NRXN2: variants seen among roughly 807,000 people sequenced by gnomAD.
NRXN2 encodes the protein neurexin-2-beta.
Under a neutral mutation model 128.8 loss-of-function variants are expected in NRXN2, and 29 were observed. That is an observed-to-expected ratio of 0.23 (90% CI 0.17 to 0.31). The LOEUF (loss-of-function observed/expected upper bound fraction) is 0.31, where lower values mean the gene tolerates loss of function less well. Ranked by LOEUF, NRXN2 falls within the 10% of genes least tolerant of loss-of-function variation. The pLI, the probability that NRXN2 is intolerant of heterozygous loss-of-function variation, is 1.00. For synonymous variants in NRXN2, 1,098 were observed against 1,075.2 expected, an observed-to-expected ratio of 1.02 and a Z score of -0.41; for missense variants, 1,881 against 2,452.6, an observed-to-expected ratio of 0.77 and a Z score of 4.92.
intron 5 of NRXN2, among the ~76,000 whole-genome samples, chr11:64,686,787 C>CTG (rs1565410699): frequency 6.6e-6 from 1 of 152,166 alleles, no homozygotes; most frequent in Non-Finnish European, 1.5e-5. Flanking sequence ...GTGTGCATGT[C>CTG]TGTGTGTGTG....
intron 2 of NRXN2, among the ~76,000 whole-genome samples, chr11:64,699,864 T>C (rs1293779260): frequency 6.6e-6 from 1 of 152,200 alleles, no homozygotes; most frequent in Non-Finnish European, 1.5e-5. Context: ...GTCAGCACAA[T>C]TGTCTCACCA....
Position 64,648,942 on chromosome 11 carries a change from TC to T in NRXN2, c.3110-36del. 6.2e-7 allele frequency: 1 copy of T among 1,610,754 alleles called. No homozygotes were observed. Among genetic ancestry groups the T allele is most frequent in the Non-Finnish European group, 8.5e-7 (1 of 1,177,164 alleles). On this transcript the variant is annotated intron_variant, in intron 15 of 22. Coordinates refer to ENST00000265459, the MANE Select transcript of NRXN2 (RefSeq NM_015080.4). The surrounding 1 kb of genome is among the most constrained non-coding windows in gnomAD (Gnocchi z 4.1). ...GAGTGGGTCAACCAAGGCATCCAGG[TC>T]CCCATTCCCATCCCAAGACAATGGC... is the stretch of plus-strand genomic sequence containing the variant.
intron 7 of NRXN2, among the ~76,000 whole-genome samples, chr11:64,672,284 G>A (rs2050737597): frequency 6.6e-6 from 1 of 152,226 alleles, no homozygotes; most frequent in Non-Finnish European, 1.5e-5. Flanking sequence ...GTGGCAGGCT[G>A]TGCAGGATAT....
At chr11:64,684,935 G>A (rs1444700681) in intron 6 of NRXN2, among the ~76,000 whole-genome samples, 1 of 152,196 alleles carries the variant, frequency 6.6e-6, no homozygotes, top group Non-Finnish European at 1.5e-5. Flanking sequence ...CCAAGGGGAG[G>A]CAGAAAGCAA....
chr11:64,609,570 G>A (rs2040296890), intron 22 of NRXN2, among the ~76,000 whole-genome samples: 1 of 152,142 alleles, frequency 6.6e-6, no homozygotes, highest in Non-Finnish European at 1.5e-5. Flanking sequence ...ATCAGTCCTT[G>A]GAGGAGTGTA....
intron 11 of NRXN2, chr11:64,656,189 T>A (rs1184386744): frequency 6.6e-6 from 1 of 152,200 alleles, no homozygotes; most frequent in Admixed American, 6.5e-5. Context: ...CAGCATGCAC[T>A]CTGTCATAGC....
chr11:64,642,876 G>A, intron 17 of NRXN2: 2 of 1,034,408 alleles, frequency 1.9e-6, no homozygotes, highest in Non-Finnish European at 2.3e-6. Flanking sequence ...GCCCCGCGAA[G>A]CCCCCCTCCG....
chr11:64,642,659 C>T, intron 17 of NRXN2: 1 of 1,583,626 alleles, frequency 6.3e-7, no homozygotes, highest in Non-Finnish European at 8.6e-7. Flanking sequence ...CGGGCCCCCT[C>T]GGCCGCCCCC....
In NRXN2 at chr11:64,631,078, AG is replaced by A. The variant is rs1292750336; in HGVS notation, c.3586-506del. Among the ~76,000 whole-genome samples the A allele has an allele frequency of 6.6e-6, 1 of 152,186 alleles. No homozygotes were observed. Among genetic ancestry groups the A allele is most frequent in the Non-Finnish European group, 1.5e-5 (1 of 68,036 alleles). ...TATGCTCTGTACCAAGCAGGCCCCC[AG>A]GGGGCTTCCACCCACACCAGGGCAT... is the stretch of plus-strand genomic sequence containing the variant. On this transcript the variant is annotated intron_variant, in intron 18 of 22. Transcript: ENST00000265459. The surrounding 1 kb of genome is among the most constrained non-coding windows in gnomAD (Gnocchi z 4.8).
intron 5 of NRXN2, among the ~76,000 whole-genome samples, chr11:64,687,879 G>A (rs1168575569): frequency 6.6e-6 from 1 of 152,244 alleles, no homozygotes; most frequent in Middle Eastern, 3.4e-3. Flanking sequence ...GGCTTTCTGG[G>A]GCCTTGCTGT....
At chr11:64,642,837 G>A in intron 17 of NRXN2, 3 of 1,084,522 alleles carry the variant, frequency 2.8e-6, no homozygotes, top group Non-Finnish European at 3.3e-6. Context: ...ACAGCCCCAT[G>A]GCCGGGGGCG....
At chr11:64,639,460 C>A (rs2045323696) in intron 17 of NRXN2, among the ~76,000 whole-genome samples, 1 of 152,148 alleles carries the variant, frequency 6.6e-6, no homozygotes, top group Non-Finnish European at 1.5e-5. Context: ...CAGGGATTGA[C>A]CACTCCATTC....
intron 17 of NRXN2, chr11:64,643,053 C>T (rs2045988828): frequency 1.0e-6 from 1 of 995,850 alleles, no homozygotes. Flanking sequence ...AGCTAGGGGT[C>T]TCTCTGCATC....
intron 6 of NRXN2, among the ~76,000 whole-genome samples, chr11:64,679,141 C>A (rs1483093969): frequency 6.6e-6 from 1 of 152,134 alleles, no homozygotes; most frequent in East Asian, 1.9e-4. Context: ...TTCAGGCCAG[C>A]TAAACAACCA....
intron 7 of NRXN2, 44 bp from the exon 8 acceptor site, chr11:64,668,648 C>T: frequency 6.2e-7 from 1 of 1,608,624 alleles, no homozygotes; most frequent in Non-Finnish European, 8.5e-7. Flanking sequence ...AGACAACCAA[C>T]ATCAAATCCC....
At chr11:64,677,070 G>T in intron 6 of NRXN2, 33 bp from the exon 7 acceptor site, 2 of 1,328,382 alleles carry the variant, frequency 1.5e-6, no homozygotes, top group Non-Finnish European at 2.0e-6. Context: ...TGGGGAGGAG[G>T]GGGGTGTCAA....
intron 2 of NRXN2, among the ~76,000 whole-genome samples, chr11:64,704,570 C>G (rs1051373950): frequency 1.4e-5 from 2 of 145,508 alleles, no homozygotes; most frequent in African/African-American, 5.1e-5. Context: ...AACAGCAATT[C>G]CTAACTTAGG....
rs750338303 is a variant in NRXN2, at chr11:64,661,152, G to C, written c.1799-13C>G. Reference sequence around the variant, plus strand: ...ACTGAGATGGAGCCTGGGAATCAAGGGAAGGCAGGATGGAGAAAAGCCACA... The same window carrying C: ...ACTGAGATGGAGCCTGGGAATCAAGCGAAGGCAGGATGGAGAAAAGCCACA... On this transcript the variant is annotated splice_polypyrimidine_tract_variant and intron_variant, in intron 9 of 22. Coordinates refer to ENST00000265459, the MANE Select transcript of NRXN2 (RefSeq NM_015080.4). 5 of 1,613,324 alleles carry C rather than the reference G, an allele frequency of 3.1e-6. No individual in the cohort carries two copies. The highest frequency in any genetic ancestry group is 4.2e-6 in the Non-Finnish European group (5 of 1,180,012).
chr11:64,646,913 G>C (rs759751741), intron 17 of NRXN2, among the ~76,000 whole-genome samples: 100 of 152,204 alleles, frequency 6.6e-4, no homozygotes, highest in Admixed American at 2.2e-3. Context: ...TGGAGATGTG[G>C]TGGTACCCAA....
Sources: allele counts gnomAD v4.1 joint callset (sites outside exome capture counted in the v4.1 genomes callset), GRCh38; gene constraint gnomAD v4.1.1; non-coding constraint Gnocchi (gnomAD v3.1); transcripts MANE v1.5; gene names NCBI Gene and HGNC (gene_info 2026-07-23, HGNC 2026-07-21).